The following PTK2 variants were observed in gnomAD, a reference collection of about 807,000 sequenced individuals.
PTK2 encodes protein tyrosine kinase 2.
Under a neutral mutation model 150.1 loss-of-function variants are expected in PTK2, and 45 were observed. The observed-to-expected ratio is 0.30, with a 90% CI of 0.24 to 0.38. The LOEUF is 0.38. PTK2 is among the 10% of genes least tolerant of loss of function. The probability of loss-of-function intolerance (pLI) is 1.00; values close to 1 mark genes in which losing one functional copy is unlikely to be tolerated. For synonymous variants in PTK2, 432 were observed against 449.2 expected (o/e 0.96, Z 0.48); for missense variants, 919 against 1,307.3 (o/e 0.70, Z 4.58).
Position 140,972,867 on chromosome 8 carries a change from A to T in PTK2, c.-122+28258T>A, listed in dbSNP as rs192638449. Among the ~76,000 whole-genome samples the T allele has an allele frequency of 1.0e-3, 156 of 152,206 alleles. 1 individual carries two copies. Among genetic ancestry groups the T allele is most frequent in the Non-Finnish European group, 8.8e-4 (60 of 68,012 alleles). ...ATTTATTGCTGACAAATTTCACCCT[A>T]TGGATTTTACCACTTCATTACCACC... is the stretch of plus-strand genomic sequence containing the variant. On this transcript the variant is annotated intron_variant, in intron 1 of 31. Coordinates refer to ENST00000522684, the Ensembl canonical transcript of PTK2.
intron 16 of PTK2, among the ~76,000 whole-genome samples, chr8:140,754,363 A>G (rs1236372215): frequency 6.6e-6 from 1 of 152,232 alleles, no homozygotes; most frequent in African/African-American, 2.4e-5. Context: ...TGAATGAGTC[A>G]GTCTTGTCTT....
At chr8:140,944,243 A>G (rs2100176879) in intron 1 of PTK2, among the ~76,000 whole-genome samples, 3 of 152,250 alleles carry the variant, frequency 2.0e-5, no homozygotes, top group Admixed American at 6.5e-5. Flanking sequence ...TAAGCCAGCA[A>G]CACAGATGAT....
chr8:140,904,747 A>G (rs1253624931), intron 2 of PTK2, among the ~76,000 whole-genome samples: 1 of 152,072 alleles, frequency 6.6e-6, no homozygotes, highest in Non-Finnish European at 1.5e-5. Flanking sequence ...GTGTCCAGGA[A>G]TGTATCCATT....
At chr8:140,690,404 C>A (rs560103876) in intron 26 of PTK2, among the ~76,000 whole-genome samples, 2 of 151,426 alleles carry the variant, frequency 1.3e-5, no homozygotes, top group East Asian at 3.9e-4. Flanking sequence ...TGGGACTATA[C>A]ATGCACGCCA....
intron 27 of PTK2, among the ~76,000 whole-genome samples, chr8:140,685,928 T>C (rs1352149784): frequency 6.6e-6 from 1 of 152,188 alleles, no homozygotes; most frequent in African/African-American, 2.4e-5. Context: ...TAAAGACACA[T>C]GCATGCTTAT....
At chr8:140,661,075 A>G (rs984074040) in intron 31 of PTK2, among the ~76,000 whole-genome samples, 3 of 152,222 alleles carry the variant, frequency 2.0e-5, no homozygotes, top group Admixed American at 6.5e-5. Flanking sequence ...GAGGGTCAGA[A>G]AGACTTCACA....
chr8:140,802,118 C>T (rs990369257), intron 11 of PTK2, among the ~76,000 whole-genome samples: 7 of 151,400 alleles, frequency 4.6e-5, no homozygotes, highest in Admixed American at 1.3e-4. Context: ...CAGCCTCAGG[C>T]AGGGCTTCTA....
chr8:140,813,301 T>C (rs1045788502), intron 10 of PTK2, among the ~76,000 whole-genome samples: 1 of 151,998 alleles, frequency 6.6e-6, no homozygotes, highest in Admixed American at 6.6e-5. Flanking sequence ...ATAATGAAAT[T>C]AAGGCAGAAA....
chr8:140,785,199 T>C (rs1231334567), intron 14 of PTK2, among the ~76,000 whole-genome samples: 1 of 152,216 alleles, frequency 6.6e-6, no homozygotes, highest in Non-Finnish European at 1.5e-5. Flanking sequence ...CCAGTGACAC[T>C]GGTCGGTCCA....
rs1602730049 is a variant in PTK2, at chr8:140,916,694, T to C, written c.-33+8967A>G. On this transcript the variant is annotated intron_variant, in intron 2 of 31. Transcript: ENST00000522684. ...ATCTGAGAGTAGAAGACATGGTACA[T>C]ATATCAAAATGCAAAAATTACACAA... is the stretch of plus-strand genomic sequence containing the variant. Among the ~76,000 whole-genome samples the C allele has an allele frequency of 3.3e-5, 5 of 152,322 alleles. 1 individual carries two copies. The South Asian group carries it at 1.0e-3, about 32-fold the overall frequency.
intron 16 of PTK2, among the ~76,000 whole-genome samples, chr8:140,752,839 G>A (rs2100063570): frequency 6.6e-6 from 1 of 152,168 alleles, no homozygotes; most frequent in Non-Finnish European, 1.5e-5. Context: ...AGAGGGAGCT[G>A]GCTAAGAAAC....
intron 4 of PTK2, among the ~76,000 whole-genome samples, chr8:140,869,059 T>A (rs185016668): frequency 6.6e-6 from 1 of 152,170 alleles, no homozygotes; most frequent in African/African-American, 2.4e-5. Context: ...TGAGAATTTT[T>A]AAATTCCCAC....
intron 26 of PTK2, among the ~76,000 whole-genome samples, chr8:140,687,933 A>T (rs768348939): frequency 9.2e-5 from 14 of 152,058 alleles, no homozygotes; most frequent in Non-Finnish European, 1.6e-4. Flanking sequence ...GCCTGGAGGT[A>T]GCTGGCTGAG....
At chr8:140,850,463 T>C (rs1195282333) in intron 5 of PTK2, among the ~76,000 whole-genome samples, 1 of 144,014 alleles carries the variant, frequency 6.9e-6, no homozygotes, top group African/African-American at 2.6e-5. Flanking sequence ...CGGTGGCTTA[T>C]GTCTGTAATC....
At chr8:140,802,238 A>G (rs2100095510) in intron 11 of PTK2, among the ~76,000 whole-genome samples, 1 of 152,172 alleles carries the variant, frequency 6.6e-6, no homozygotes. Context: ...GAAGATGGTG[A>G]TATGGATACT....
intron 1 of PTK2, among the ~76,000 whole-genome samples, chr8:140,980,466 G>GA (rs1434267578): frequency 6.6e-6 from 1 of 151,618 alleles, no homozygotes; most frequent in Non-Finnish European, 1.5e-5. Context: ...ACTAAAAATA[G>GA]AAAAAATTAG....
intron 1 of PTK2, among the ~76,000 whole-genome samples, chr8:140,956,362 G>A (rs1427665014): frequency 1.3e-5 from 2 of 152,188 alleles, no homozygotes; most frequent in African/African-American, 4.8e-5. Context: ...CCACTTGGGG[G>A]AAATAATACA....
chr8:140,827,133 C>T (rs1023504311), intron 8 of PTK2, among the ~76,000 whole-genome samples: 1 of 152,126 alleles, frequency 6.6e-6, no homozygotes, highest in Non-Finnish European at 1.5e-5. Flanking sequence ...GCACACTCTG[C>T]ACTCTCTGCA....
At chr8:140,924,682 T>G (rs563458539) in intron 2 of PTK2, among the ~76,000 whole-genome samples, 3 of 152,248 alleles carry the variant, frequency 2.0e-5, no homozygotes, top group African/African-American at 7.2e-5. Flanking sequence ...ATTGAATGAA[T>G]AAGTGAACTA....
Sources: allele counts gnomAD v4.1 joint callset (sites outside exome capture counted in the v4.1 genomes callset), GRCh38; gene constraint gnomAD v4.1.1; transcripts MANE v1.5; gene names NCBI Gene and HGNC (gene_info 2026-07-23, HGNC 2026-07-21).